The following SESTD1 variants were observed in gnomAD, a reference collection of about 807,000 sequenced individuals.
SESTD1 encodes the protein SEC14 domain and spectrin repeat-containing protein 1.
In SESTD1, 43 loss-of-function variants were observed where a neutral mutation model predicts 101.7. The observed-to-expected ratio is 0.42, with a 90% CI of 0.33 to 0.55. SESTD1 has a LOEUF of 0.55. Among genes scored for constraint, SESTD1 ranks in the 20% least tolerant of loss-of-function variants. The pLI is 0.07. For missense variants in SESTD1, 647 were observed against 815.1 expected (o/e 0.79, Z 2.51); for synonymous variants, 283 against 286.8 (o/e 0.99, Z 0.13).
At chr2:179,223,778 T>A (rs17363603) in intron 1 of SESTD1, among the ~76,000 whole-genome samples, 8,477 of 152,264 alleles carry the variant, frequency 0.056, 303 homozygotes, top group South Asian at 0.091. Flanking sequence ...TAAGCAGTAT[T>A]GTTGATAACA....
At chr2:179,121,669 A>T in intron 13 of SESTD1, 101 bp downstream of exon 13, 1 of 989,574 alleles carries the variant, frequency 1.0e-6, no homozygotes, top group Admixed American at 3.4e-5. Context: ...CTTCTATATA[A>T]CAGTTAAGAA....
intron 1 of SESTD1, among the ~76,000 whole-genome samples, chr2:179,263,292 A>G (rs1188172561): frequency 6.6e-6 from 1 of 152,238 alleles, no homozygotes; most frequent in African/African-American, 2.4e-5. Flanking sequence ...CTAAAATAGC[A>G]TACCAATGAA....
intron 1 of SESTD1, among the ~76,000 whole-genome samples, chr2:179,229,782 T>C (rs13020421): frequency 8.7e-5 from 10 of 115,442 alleles, no homozygotes; most frequent in East Asian, 2.4e-4. Context: ...TATACTCAAA[T>C]ACACACACAC....
rs532758747 is a variant in SESTD1 at position 179,219,913 on chromosome 2, G to T, written c.-25-28047C>A. ...TTAATTTGAAAGTTAAAGTTTCACC[G>T]AATAATATCATTTTTACCATATGAA... On this transcript the variant is annotated intron_variant, in intron 1 of 17. Coordinates refer to ENST00000428443, the MANE Select transcript of SESTD1 (RefSeq NM_178123.5). 5.9e-5 allele frequency among the ~76,000 whole-genome samples: 9 copies of T among 152,142 alleles called. No individual in the cohort carries two copies. In the South Asian group the frequency reaches 1.5e-3, roughly 25 times the overall value.
chr2:179,125,429 A>G (rs916330940), intron 10 of SESTD1, among the ~76,000 whole-genome samples: 1 of 152,328 alleles, frequency 6.6e-6, no homozygotes, highest in African/African-American at 2.4e-5. Context: ...TGACCTGTTG[A>G]AACCTGAGAT....
intron 1 of SESTD1, among the ~76,000 whole-genome samples, chr2:179,238,301 A>G (rs1187326583): frequency 2.0e-5 from 3 of 152,132 alleles, no homozygotes; most frequent in African/African-American, 7.2e-5. Flanking sequence ...GTTCAAACCT[A>G]TTGTTCAAGG....
At chr2:179,113,877 A>AG (rs911816202) in intron 16 of SESTD1, among the ~76,000 whole-genome samples, 1 of 151,866 alleles carries the variant, frequency 6.6e-6, no homozygotes, top group Non-Finnish European at 1.5e-5. Context: ...AAAAAAAAAA[A>AG]AAAAGTTATC....
intron 1 of SESTD1, chr2:179,264,085 G>A (rs1432906756): frequency 6.6e-6 from 1 of 152,282 alleles, no homozygotes; most frequent in Admixed American, 6.5e-5. Flanking sequence ...TGGCAAAAGA[G>A]ACCCGCTGGA....
intron 2 of SESTD1, among the ~76,000 whole-genome samples, chr2:179,189,773 C>T (rs1484216011): frequency 1.5e-5 from 2 of 136,568 alleles, no homozygotes; most frequent in Non-Finnish European, 3.1e-5. Context: ...TTCCAAACAC[C>T]GATGACACTC....
intron 5 of SESTD1, among the ~76,000 whole-genome samples, chr2:179,160,939 A>AT (rs2045724112): frequency 4.0e-5 from 6 of 150,690 alleles, no homozygotes; most frequent in East Asian, 3.9e-4. Flanking sequence ...TTAAACAATT[A>AT]TTTTTTTTTA....
In SESTD1 at chr2:179,111,399, T is replaced by A. The variant is rs201952531; in HGVS notation, c.1961+1325A>T. Among the ~76,000 whole-genome samples, 5 of 152,206 alleles carry A rather than the reference T, an allele frequency of 3.3e-5. No individual in the cohort carries two copies. The East Asian group carries it at 9.6e-4, about 29-fold the overall frequency. On this transcript the variant is annotated intron_variant, in intron 17 of 17. Transcript: ENST00000428443. ...CAGATCTGTTTTAAGTACTTTATACTTATTTAGCTCAGGTAATTCCCACAC... is the reference window on the plus strand; with the variant it reads ...CAGATCTGTTTTAAGTACTTTATACATATTTAGCTCAGGTAATTCCCACAC...
intron 1 of SESTD1, among the ~76,000 whole-genome samples, chr2:179,197,885 GA>G (rs1367664670): frequency 6.6e-6 from 1 of 151,720 alleles, no homozygotes; most frequent in Non-Finnish European, 1.5e-5. Flanking sequence ...TCGAGACTAG[GA>G]AAAAACTGCA....
At chr2:179,142,542 A>G (rs533048852) in intron 9 of SESTD1, among the ~76,000 whole-genome samples, 16 of 152,178 alleles carry the variant, frequency 1.1e-4, no homozygotes, top group African/African-American at 2.9e-4. Context: ...ATGCTCTATG[A>G]CTCAAAAAGG....
chr2:179,158,124 C>T (rs1486545263), intron 5 of SESTD1, among the ~76,000 whole-genome samples: 1 of 152,160 alleles, frequency 6.6e-6, no homozygotes, highest in Non-Finnish European at 1.5e-5. Context: ...CACAAATTCA[C>T]TAAATTTGTA....
chr2:179,251,393 G>A (rs1280928101), intron 1 of SESTD1, among the ~76,000 whole-genome samples: 1 of 152,148 alleles, frequency 6.6e-6, no homozygotes, highest in Non-Finnish European at 1.5e-5. Flanking sequence ...CTAAAATAAA[G>A]TACAAGAATA....
chr2:179,252,480 T>C (rs2047332647), intron 1 of SESTD1, among the ~76,000 whole-genome samples: 1 of 152,212 alleles, frequency 6.6e-6, no homozygotes, highest in South Asian at 2.1e-4. Flanking sequence ...AAGCTCTCTT[T>C]TCTCTTGTCT....
At chr2:179,112,103 G>A (rs1037080719) in intron 17 of SESTD1, among the ~76,000 whole-genome samples, 8 of 152,300 alleles carry the variant, frequency 5.3e-5, no homozygotes, top group Non-Finnish European at 1.2e-4. Context: ...ATGGAAAGGT[G>A]TAAGATAATC....
intron 5 of SESTD1, among the ~76,000 whole-genome samples, chr2:179,161,654 C>A (rs2045738926): frequency 6.7e-6 from 1 of 149,934 alleles, no homozygotes. Context: ...CAGTGAGACT[C>A]CGTCTCAAAA....
intron 6 of SESTD1, among the ~76,000 whole-genome samples, chr2:179,150,690 C>T (rs1160656472): frequency 2.0e-5 from 3 of 152,078 alleles, no homozygotes; most frequent in South Asian, 2.1e-4. Context: ...CGTGGTGGCG[C>T]GTGCCTGTAA....
Sources: gnomAD v4.1 joint callset for allele counts (sites outside exome capture counted in the v4.1 genomes callset) on GRCh38, gnomAD v4.1.1 for gene constraint, MANE v1.5 for transcripts, NCBI Gene and HGNC (gene_info 2026-07-23, HGNC 2026-07-21) for gene names.